Variants in PSPC1 observed in about 807,000 individuals in gnomAD.
PSPC1 encodes paraspeckle protein 1.
PSPC1 carries 14 observed loss-of-function variants against 51.6 expected under a neutral mutation model. The ratio of observed to expected loss-of-function variants is 0.27; its 90% CI spans 0.18 to 0.42. The LOEUF (loss-of-function observed/expected upper bound fraction) is 0.42, where lower values mean the gene tolerates loss of function less well. Among genes scored for constraint, PSPC1 ranks in the 10% least tolerant of loss-of-function variants. The pLI is 1.00. For missense variants in PSPC1, 406 were observed against 701.1 expected (o/e 0.58, Z 4.75); for synonymous variants, 193 against 231.9 (o/e 0.83, Z 1.53).
At chr13:19,724,134 T>C (rs1006378074) in intron 6 of PSPC1, among the ~76,000 whole-genome samples, 1 of 152,214 alleles carries the variant, frequency 6.6e-6, no homozygotes, top group Non-Finnish European at 1.5e-5. Flanking sequence ...CAAATCTTCT[T>C]AAGCAACATA....
intron 6 of PSPC1, among the ~76,000 whole-genome samples, chr13:19,682,244 G>A (rs755309408): frequency 6.6e-6 from 1 of 152,070 alleles, no homozygotes; most frequent in Non-Finnish European, 1.5e-5. Flanking sequence ...CTGATATTTT[G>A]TAAGAAGCAA....
chr13:19,754,419 T>A (rs1475519348), intron 3 of PSPC1, among the ~76,000 whole-genome samples: 1 of 149,362 alleles, frequency 6.7e-6, no homozygotes, highest in Non-Finnish European at 1.5e-5. Context: ...TAAATCTAAA[T>A]CTTTAGTAAT....
downstream of PSPC1, chr13:19,671,819 C>T: frequency 6.2e-7 from 1 of 1,613,828 alleles, no homozygotes; most frequent in Non-Finnish European, 8.5e-7. Flanking sequence ...CACCTGCGTT[C>T]TTTTCTTTCA....
intron 4 of PSPC1, among the ~76,000 whole-genome samples, chr13:19,747,849 G>A (rs370293250): frequency 1.6e-4 from 24 of 152,176 alleles, no homozygotes; most frequent in Admixed American, 4.6e-4. Flanking sequence ...ATGTTTCTGC[G>A]GAACCACACA....
intron 4 of PSPC1, among the ~76,000 whole-genome samples, chr13:19,749,633 T>C (rs755111557): frequency 2.6e-5 from 3 of 117,250 alleles, no homozygotes; most frequent in Non-Finnish European, 1.7e-5. Context: ...AAAAGACAGT[T>C]TATCTTTTTT....
chr13:19,719,212 G>C (rs1287891048), intron 6 of PSPC1, among the ~76,000 whole-genome samples: 3 of 151,938 alleles, frequency 2.0e-5, no homozygotes, highest in Admixed American at 2.0e-4. Flanking sequence ...CATGTGGCAC[G>C]GGGTAGACGG....
chr13:19,774,680 C>T (rs1275848565), intron 1 of PSPC1, among the ~76,000 whole-genome samples: 1 of 151,786 alleles, frequency 6.6e-6, no homozygotes, highest in Non-Finnish European at 1.5e-5. Flanking sequence ...TGGTAAGCGC[C>T]TGTAGTCCCA....
chr13:19,748,051 TA>T (rs1886170309), intron 4 of PSPC1, among the ~76,000 whole-genome samples: 2 of 152,166 alleles, frequency 1.3e-5, no homozygotes, highest in South Asian at 4.1e-4. Context: ...CCATCTCTAC[TA>T]AAAATACAAA....
chr13:19,687,428 G>C (rs1236395486), intron 6 of PSPC1, among the ~76,000 whole-genome samples: 1 of 152,030 alleles, frequency 6.6e-6, no homozygotes, highest in Non-Finnish European at 1.5e-5. Context: ...ATATACATTT[G>C]ACACTGGCAA....
intron 6 of PSPC1, among the ~76,000 whole-genome samples, chr13:19,687,252 T>C (rs1013297121): frequency 2.6e-5 from 4 of 152,112 alleles, no homozygotes; most frequent in Non-Finnish European, 5.9e-5. Flanking sequence ...TATATGTTCA[T>C]TTCTTTGGGA....
chr13:19,711,110 G>T (rs1881351942), intron 6 of PSPC1, among the ~76,000 whole-genome samples: 1 of 152,048 alleles, frequency 6.6e-6, no homozygotes, highest in African/African-American at 2.4e-5. Context: ...CAATGTGCTG[G>T]GATTACAAAC....
chr13:19,707,567 T>A (rs1381889756), intron 7 of PSPC1, among the ~76,000 whole-genome samples: 4 of 152,158 alleles, frequency 2.6e-5, no homozygotes, highest in African/African-American at 9.7e-5. Context: ...TCACATTGAA[T>A]GAAGACTGAA....
chr13:19,719,248 C>G (rs1239491108), intron 6 of PSPC1, among the ~76,000 whole-genome samples: 2 of 152,030 alleles, frequency 1.3e-5, no homozygotes, highest in African/African-American at 4.8e-5. Context: ...TCCACATAAT[C>G]TTGCTGTGGA....
intron 2 of PSPC1, 115 bp from the exon 3 acceptor site, chr13:19,759,533 G>A (rs1412805652): frequency 4.0e-6 from 3 of 742,018 alleles, no homozygotes; most frequent in Non-Finnish European, 6.6e-6. Flanking sequence ...TCTCACTTGA[G>A]AAAAATGTCT....
downstream of PSPC1, chr13:19,702,358 G>A (rs1307044063): frequency 2.0e-5 from 3 of 152,126 alleles, no homozygotes; most frequent in Non-Finnish European, 2.9e-5. Context: ...CAACAGTATT[G>A]TTTTATTTTA....
chr13:19,673,054 CAA>C (rs752838814), downstream of PSPC1: 2,179 of 380,236 alleles, frequency 5.7e-3, 2 homozygotes, highest in South Asian at 7.3e-3. Context: ...GACCTTGTCT[CAA>C]AAAAAAAAAA....
At chr13:19,680,821 C>A (rs1877187478) in intron 6 of PSPC1, among the ~76,000 whole-genome samples, 1 of 152,100 alleles carries the variant, frequency 6.6e-6, no homozygotes, top group African/African-American at 2.4e-5. Flanking sequence ...TGAAAAAGGC[C>A]CCTCTAACCA....
chr13:19,752,347 T>C lies in PSPC1; in HGVS notation c.771-880A>G, dbSNP rs539130083. Reference sequence around the variant, plus strand: ...GTGCAGTATATACATTTAATATACATTTCTTGAATAAATTAACGAATTACC... The same window carrying C: ...GTGCAGTATATACATTTAATATACACTTCTTGAATAAATTAACGAATTACC... On this transcript the variant is annotated intron_variant, in intron 3 of 8. Transcript: ENST00000338910. Among the ~76,000 whole-genome samples, 13 of 152,276 alleles carry C rather than the reference T, an allele frequency of 8.5e-5. No individual in the cohort carries two copies. In the South Asian group the frequency reaches 1.5e-3, roughly 17 times the overall value.
chr13:19,763,348 T>G (rs536656290), intron 2 of PSPC1, among the ~76,000 whole-genome samples: 8 of 152,114 alleles, frequency 5.3e-5, no homozygotes, highest in African/African-American at 1.7e-4. Context: ...AATATAAGTA[T>G]ATAATAAGTA....
Sources: gnomAD v4.1 joint callset for allele counts (sites outside exome capture counted in the v4.1 genomes callset) on GRCh38, gnomAD v4.1.1 for gene constraint, MANE v1.5 for transcripts, NCBI Gene and HGNC (gene_info 2026-07-23, HGNC 2026-07-21) for gene names.